The following ENTREP2 variants were observed in gnomAD, a reference collection of about 807,000 sequenced individuals.
The protein encoded by ENTREP2 is endosomal transmembrane epsin interactor 2.
chr15:29,416,804 G>C, the ENTREP2 span, among the ~76,000 whole-genome samples: 2 of 152,016 alleles, frequency 1.3e-5, no homozygotes, highest in Non-Finnish European at 2.9e-5. Flanking sequence ...TTTACAAGAA[G>C]AAAACAAACA....
At chr15:29,250,425 A>G in the ENTREP2 span, among the ~76,000 whole-genome samples, 1 of 152,172 alleles carries the variant, frequency 6.6e-6, no homozygotes, top group Non-Finnish European at 1.5e-5. Context: ...GTGGTACATG[A>G]TGTTCTTTTT....
the ENTREP2 span, chr15:29,269,018 G>T: frequency 6.2e-7 from 1 of 1,614,184 alleles, no homozygotes; most frequent in South Asian, 1.1e-5. Flanking sequence ...AGGTAACGCT[G>T]TCGCACAAAG....
the ENTREP2 span, among the ~76,000 whole-genome samples, chr15:29,513,534 A>G: frequency 6.6e-6 from 1 of 152,212 alleles, no homozygotes; most frequent in East Asian, 1.9e-4. Context: ...GTTGATACAC[A>G]TACCTGCCAT....
the ENTREP2 span, among the ~76,000 whole-genome samples, chr15:29,223,616 T>C: frequency 2.0e-5 from 3 of 152,180 alleles, no homozygotes; most frequent in Non-Finnish European, 4.4e-5. Context: ...GATGGTCTTT[T>C]TTCCCACTGG....
At chr15:29,437,262 A>G in the ENTREP2 span, among the ~76,000 whole-genome samples, 2 of 152,216 alleles carry the variant, frequency 1.3e-5, no homozygotes, top group South Asian at 4.1e-4. Context: ...TATCAAGTAC[A>G]TAAGCCAAAG....
chr15:29,558,882 T>A, the ENTREP2 span, among the ~76,000 whole-genome samples: 1 of 151,584 alleles, frequency 6.6e-6, no homozygotes, highest in Admixed American at 6.6e-5. Context: ...ATATTTTCTT[T>A]CCTCCAGCTT....
At chr15:29,424,411 G>A in the ENTREP2 span, among the ~76,000 whole-genome samples, 9 of 152,216 alleles carry the variant, frequency 5.9e-5, no homozygotes, top group African/African-American at 1.4e-4. Context: ...ATAGAGTGCC[G>A]ATTGGTGCAT....
chr15:29,454,828 C>T, the ENTREP2 span, among the ~76,000 whole-genome samples: 1 of 152,280 alleles, frequency 6.6e-6, no homozygotes, highest in South Asian at 2.1e-4. Context: ...TCCTGGCCCA[C>T]AAAACTGGGA....
chr15:29,336,870 AC>A, the ENTREP2 span, among the ~76,000 whole-genome samples: 265 of 151,328 alleles, frequency 1.8e-3, 1 homozygote, highest in Middle Eastern at 0.021. Context: ...CCAACCTAAT[AC>A]CCCCTCCATC....
the ENTREP2 span, among the ~76,000 whole-genome samples, chr15:29,205,244 C>T: frequency 6.6e-6 from 1 of 152,190 alleles, no homozygotes; most frequent in African/African-American, 2.4e-5. Flanking sequence ...GGGATGTTTT[C>T]AGCTCTTGGC....
the ENTREP2 span, among the ~76,000 whole-genome samples, chr15:29,596,260 T>C: frequency 5.1e-4 from 77 of 152,362 alleles, no homozygotes; most frequent in Non-Finnish European, 1.0e-3. Flanking sequence ...TGTGTAACCA[T>C]CTGCATCTAT....
the ENTREP2 span, among the ~76,000 whole-genome samples, chr15:29,626,619 T>C: frequency 6.6e-6 from 1 of 152,258 alleles, no homozygotes; most frequent in Non-Finnish European, 1.5e-5. Context: ...TCAGGTCATC[T>C]GAAAATATGG....
chr15:29,642,820 G>T, the ENTREP2 span, among the ~76,000 whole-genome samples: 1 of 151,986 alleles, frequency 6.6e-6, no homozygotes, highest in Non-Finnish European at 1.5e-5. Flanking sequence ...CACCATGCTG[G>T]CCAGGATGAT....
the ENTREP2 span, among the ~76,000 whole-genome samples, chr15:29,654,806 G>C: frequency 7.9e-5 from 12 of 152,300 alleles, no homozygotes; most frequent in Non-Finnish European, 1.5e-4. Context: ...AGAGCAAGGT[G>C]ATATTTGTGT....
the ENTREP2 span, among the ~76,000 whole-genome samples, chr15:29,625,816 C>T: frequency 4.6e-5 from 7 of 152,034 alleles, no homozygotes; most frequent in Admixed American, 2.0e-4. Context: ...CATGTTATGC[C>T]TATTTTTATA....
the ENTREP2 span, among the ~76,000 whole-genome samples, chr15:29,188,734 G>A: frequency 1.3e-5 from 2 of 152,256 alleles, no homozygotes; most frequent in African/African-American, 4.8e-5. Context: ...ATTCTAGATG[G>A]GTGCTGGGTC....
At chr15:29,651,631 T>C in the ENTREP2 span, among the ~76,000 whole-genome samples, 1 of 152,214 alleles carries the variant, frequency 6.6e-6, no homozygotes, top group Non-Finnish European at 1.5e-5. Flanking sequence ...CTGCCTGGCC[T>C]CTTCCCAGCT....
At chr15:29,186,311 C>T in the ENTREP2 span, among the ~76,000 whole-genome samples, 4 of 152,168 alleles carry the variant, frequency 2.6e-5, no homozygotes, top group Non-Finnish European at 1.5e-5. Flanking sequence ...AACTGTGGGT[C>T]CCTGCATTGG....
the ENTREP2 span, among the ~76,000 whole-genome samples, chr15:29,288,796 AC>A: frequency 3.9e-5 from 6 of 152,218 alleles, no homozygotes; most frequent in Non-Finnish European, 8.8e-5. Context: ...GTCATTAAGC[AC>A]ATAACACATA....
Sources: gnomAD v4.1 joint callset for allele counts (sites outside exome capture counted in the v4.1 genomes callset) on GRCh38, gnomAD v4.1.1 for gene constraint, MANE v1.5 for transcripts, NCBI Gene and HGNC (gene_info 2026-07-23, HGNC 2026-07-21) for gene names.